Variants in MRPS9 observed in about 807,000 individuals in gnomAD.
MRPS9 encodes the protein mitochondrial ribosomal protein S9.
MRPS9 carries 45 observed loss-of-function variants against 59.9 expected under a neutral mutation model. That is an observed-to-expected ratio of 0.75 (90% CI 0.59 to 0.96). The LOEUF is 0.96. Ranked by LOEUF, MRPS9 falls within the 40% of genes least tolerant of loss-of-function variation. The probability of loss-of-function intolerance (pLI) is 0.00; values close to 1 mark genes in which losing one functional copy is unlikely to be tolerated. For synonymous variants in MRPS9, 171 were observed against 166.8 expected (o/e 1.03, Z -0.19); for missense variants, 473 against 481.1 (o/e 0.98, Z 0.16).
At chr2:105,099,374 C>A in intron 10 of MRPS9, 1 of 241,862 alleles carries the variant, frequency 4.1e-6, no homozygotes, top group Non-Finnish European at 8.1e-6. Flanking sequence ...AGCTTTATCT[C>A]ACTTAGGTTG....
intron 5 of MRPS9, among the ~76,000 whole-genome samples, chr2:105,087,389 T>C (rs1454366582): frequency 6.6e-6 from 1 of 152,182 alleles, no homozygotes; most frequent in Non-Finnish European, 1.5e-5. Flanking sequence ...TCTTAGAGTG[T>C]ACATTTCTAG....
At chr2:105,043,875 G>A (rs1442385422) in intron 1 of MRPS9, among the ~76,000 whole-genome samples, 3 of 151,126 alleles carry the variant, frequency 2.0e-5, no homozygotes, top group African/African-American at 4.9e-5. Flanking sequence ...GCTTGTGATC[G>A]GCCTGCCTTG....
At chr2:105,067,852 G>T (rs1376563591) in intron 2 of MRPS9, among the ~76,000 whole-genome samples, 1 of 152,106 alleles carries the variant, frequency 6.6e-6, no homozygotes, top group Non-Finnish European at 1.5e-5. Flanking sequence ...TTCAGAGACA[G>T]GGTCTTGCTC....
chr2:105,045,391 A>C (rs1170264827), intron 1 of MRPS9, among the ~76,000 whole-genome samples: 1 of 151,764 alleles, frequency 6.6e-6, no homozygotes, highest in Non-Finnish European at 1.5e-5. Flanking sequence ...GGAAGCATTA[A>C]AAAATGTAAA....
chr2:105,042,912 G>C (rs1360184091), intron 1 of MRPS9, among the ~76,000 whole-genome samples: 1 of 152,110 alleles, frequency 6.6e-6, no homozygotes, highest in Non-Finnish European at 1.5e-5. Context: ...CCATCAACCA[G>C]CTTCAACAAT....
At chr2:105,061,018 G>A (rs1679890295) in intron 2 of MRPS9, among the ~76,000 whole-genome samples, 1 of 146,146 alleles carries the variant, frequency 6.8e-6, no homozygotes, top group African/African-American at 2.5e-5. Context: ...CTTGAGGCAG[G>A]AGAATGGCGT....
chr2:105,062,884 G>A (rs969599145), intron 2 of MRPS9, among the ~76,000 whole-genome samples: 7 of 152,086 alleles, frequency 4.6e-5, no homozygotes, highest in East Asian at 1.9e-4. Context: ...TTAGGATTGC[G>A]CCCTTCATTT....
At chr2:105,089,819 G>T in intron 6 of MRPS9, 101 bp from the exon 7 acceptor site, 1 of 743,770 alleles carries the variant, frequency 1.3e-6, no homozygotes, top group Non-Finnish European at 2.1e-6. Context: ...TATAAAAACT[G>T]ATTTTCAAAT....
At chr2:105,096,326 C>T (rs1680658449) in intron 9 of MRPS9, among the ~76,000 whole-genome samples, 1 of 152,266 alleles carries the variant, frequency 6.6e-6, no homozygotes, top group East Asian at 1.9e-4. Flanking sequence ...TATAAGTGAG[C>T]TTTTCTGCAT....
intron 1 of MRPS9, 196 bp downstream of exon 1, chr2:105,038,423 T>C: frequency 1.5e-6 from 1 of 674,580 alleles, no homozygotes; most frequent in Non-Finnish European, 2.4e-6. Context: ...TGTTACTTGT[T>C]TTTTTGCGGG....
intron 8 of MRPS9, among the ~76,000 whole-genome samples, 183 bp downstream of exon 8, chr2:105,092,752 T>G (rs1292169473): frequency 2.6e-5 from 4 of 152,186 alleles, no homozygotes; most frequent in African/African-American, 9.7e-5. Flanking sequence ...CTGTATAATA[T>G]CCTAAGAAAA....
intron 7 of MRPS9, chr2:105,091,183 T>C (rs1486346994): frequency 1.7e-5 from 7 of 421,058 alleles, no homozygotes; most frequent in Middle Eastern, 6.1e-4. Context: ...TATGATACTT[T>C]GTACTTTGGG....
chr2:105,096,172 G>C (rs1316469820), intron 9 of MRPS9, among the ~76,000 whole-genome samples: 1 of 151,834 alleles, frequency 6.6e-6, no homozygotes, highest in African/African-American at 2.4e-5. Context: ...GTCATCTTTT[G>C]CCCATCTGCT....
intron 7 of MRPS9, 95 bp downstream of exon 7, chr2:105,090,090 G>A: frequency 1.7e-6 from 1 of 591,662 alleles, no homozygotes; most frequent in Non-Finnish European, 2.8e-6. Context: ...TTCCTCAGAG[G>A]CAGGTGTTCC....
intron 2 of MRPS9, among the ~76,000 whole-genome samples, chr2:105,057,021 A>G (rs1679803515): frequency 1.3e-5 from 2 of 152,264 alleles, no homozygotes; most frequent in South Asian, 2.1e-4. Flanking sequence ...CAAGAAAAAT[A>G]TTATCTTATT....
chr2:105,055,811 G>A (rs1426292852), intron 2 of MRPS9, among the ~76,000 whole-genome samples: 1 of 152,150 alleles, frequency 6.6e-6, no homozygotes, highest in African/African-American at 2.4e-5. Context: ...TGGCTGATGA[G>A]TCAGCATTTC....
At chr2:105,060,556 T>TC (rs1292679527) in intron 2 of MRPS9, among the ~76,000 whole-genome samples, 18 of 152,056 alleles carry the variant, frequency 1.2e-4, no homozygotes, top group Admixed American at 1.1e-3. Flanking sequence ...GCTGGGATTA[T>TC]AGGCATGAGC....
intron 5 of MRPS9, among the ~76,000 whole-genome samples, chr2:105,087,254 T>C (rs1680466347): frequency 2.6e-5 from 4 of 152,200 alleles, no homozygotes; most frequent in Admixed American, 2.6e-4. Context: ...ATTCCTCTGC[T>C]GCTGCAGGTG....
intron 2 of MRPS9, among the ~76,000 whole-genome samples, chr2:105,050,708 G>T (rs1053948736): frequency 6.6e-6 from 1 of 152,098 alleles, no homozygotes; most frequent in African/African-American, 2.4e-5. Context: ...GACCATTATT[G>T]CTTTTGTCAG....
Sources: allele counts gnomAD v4.1 joint callset (sites outside exome capture counted in the v4.1 genomes callset), GRCh38; gene constraint gnomAD v4.1.1; transcripts MANE v1.5; gene names NCBI Gene and HGNC (gene_info 2026-07-23, HGNC 2026-07-21).